The following BRMS1L variants were observed in gnomAD, a reference collection of about 807,000 sequenced individuals.
BRMS1L encodes the protein breast cancer metastasis-suppressor 1-like protein.
Under a neutral mutation model 50.3 loss-of-function variants are expected in BRMS1L, and 23 were observed. The ratio of observed to expected loss-of-function variants is 0.46; its 90% CI spans 0.33 to 0.65. BRMS1L has a LOEUF of 0.65. Among genes scored for constraint, BRMS1L ranks in the 30% least tolerant of loss-of-function variants. The pLI is 0.02. For synonymous variants in BRMS1L, 114 were observed against 126.9 expected, an observed-to-expected ratio of 0.90 and a Z score of 0.69; for missense variants, 286 against 386.1, an observed-to-expected ratio of 0.74 and a Z score of 2.17.
At chr14:35,832,478 C>G (rs2077934350) in intron 2 of BRMS1L, among the ~76,000 whole-genome samples, 1 of 149,244 alleles carries the variant, frequency 6.7e-6, no homozygotes, top group Non-Finnish European at 1.5e-5. Flanking sequence ...TGCACTCCAG[C>G]CTGGGTGACG....
chr14:35,849,679 A>T (rs533727980), intron 4 of BRMS1L, among the ~76,000 whole-genome samples: 3 of 152,292 alleles, frequency 2.0e-5, no homozygotes, highest in East Asian at 3.9e-4. Flanking sequence ...CATTTCCCTG[A>T]TGATTAATGA....
At chr14:35,841,048 G>C (rs1002559511) in intron 4 of BRMS1L, among the ~76,000 whole-genome samples, 2 of 152,078 alleles carry the variant, frequency 1.3e-5, no homozygotes, top group Non-Finnish European at 2.9e-5. Context: ...CTGGTATGTT[G>C]TGTCTTTGTT....
chr14:35,828,234 G>C (rs768701603), intron 1 of BRMS1L, among the ~76,000 whole-genome samples: 2 of 150,866 alleles, frequency 1.3e-5, no homozygotes, highest in Non-Finnish European at 3.0e-5. Flanking sequence ...GTGTAATGGC[G>C]TGATCTTGGC....
intron 4 of BRMS1L, among the ~76,000 whole-genome samples, chr14:35,859,777 G>A (rs980615185): frequency 8.6e-5 from 13 of 151,878 alleles, no homozygotes; most frequent in African/African-American, 3.1e-4. Flanking sequence ...AGTTGCCTGA[G>A]TAGCTGGGAC....
intron 4 of BRMS1L, among the ~76,000 whole-genome samples, chr14:35,835,361 T>C (rs924094686): frequency 6.6e-6 from 1 of 152,130 alleles, no homozygotes; most frequent in African/African-American, 2.4e-5. Flanking sequence ...AAAATAGGTA[T>C]ATTTTTCTGT....
At chr14:35,859,900 C>T (rs1367952553) in intron 4 of BRMS1L, among the ~76,000 whole-genome samples, 1 of 152,130 alleles carries the variant, frequency 6.6e-6, no homozygotes, top group Non-Finnish European at 1.5e-5. Context: ...GATCCTCCTG[C>T]CTCCGTATCC....
In BRMS1L at chr14:35,826,384, C is replaced by G; in HGVS notation, c.-133C>G. ...GCGGGTTAGGTTGTGAGGCCCGGGC[C>G]GGGGGCGGGGAGGAGCCAAGGGGGC... On this transcript the variant is annotated 5_prime_UTR_variant, in exon 1 of 10. Transcript: ENST00000216807. The G allele has an allele frequency of 7.4e-7, 1 of 1,359,548 alleles. No homozygotes were observed. 84.2% of individuals were successfully genotyped at this position (1,359,548 alleles called of 1,614,324 possible). A position where few individuals can be genotyped will look rare whatever the true frequency, so the allele number is the denominator to read the frequency against.
chr14:35,826,379 CGGGCCGG>C lies in BRMS1L; in HGVS notation c.-133_-127del. ...AGCCTGCGGGTTAGGTTGTGAGGCC[CGGGCCGG>C]GGGCGGGGAGGAGCCAAGGGGGCGA... is the stretch of plus-strand genomic sequence containing the variant. On this transcript the variant is annotated 5_prime_UTR_variant, in exon 1 of 10. Transcript: ENST00000216807. 3.8e-6 allele frequency: 5 copies of C among 1,328,366 alleles called. No individual in the cohort carries two copies. Among genetic ancestry groups the C allele is most frequent in the Non-Finnish European group, 5.1e-6 (5 of 971,904 alleles). The allele number at this position is 1,328,366 out of a possible 1,614,324, so 82.3% of individuals were successfully genotyped here. A position where few individuals can be genotyped will look rare whatever the true frequency, so the allele number is the denominator to read the frequency against.
At chr14:35,852,925 C>T (rs528160724) in intron 4 of BRMS1L, among the ~76,000 whole-genome samples, 48 of 150,970 alleles carry the variant, frequency 3.2e-4, no homozygotes, top group African/African-American at 9.0e-4. Context: ...AGCGAGGCTC[C>T]GTCTCAAAAA....
At chr14:35,858,037 A>T in intron 4 of BRMS1L, among the ~76,000 whole-genome samples, 2 of 150,334 alleles carry the variant, frequency 1.3e-5, no homozygotes, top group Non-Finnish European at 3.0e-5. Flanking sequence ...AAAGCACTGG[A>T]CCTCTCATAA....
At chr14:35,836,065 T>G (rs1254962816) in intron 4 of BRMS1L, among the ~76,000 whole-genome samples, 1 of 152,184 alleles carries the variant, frequency 6.6e-6, no homozygotes, top group Non-Finnish European at 1.5e-5. Context: ...ACAACTGAGA[T>G]TGATTATCTT....
At chr14:35,833,229 T>C in intron 3 of BRMS1L, 124 bp downstream of exon 3, 3 of 1,027,214 alleles carry the variant, frequency 2.9e-6, no homozygotes, top group Non-Finnish European at 4.0e-6. Context: ...GACCAGAATA[T>C]TTTACTTTTA....
intron 4 of BRMS1L, among the ~76,000 whole-genome samples, chr14:35,841,998 C>CTTTTTTTTTTT (rs574267347): frequency 5.3e-5 from 6 of 112,236 alleles, no homozygotes; most frequent in African/African-American, 1.4e-4. Context: ...GCAATCTCTG[C>CTTTTTTTTTTT]TTTTTTTTTT....
chr14:35,839,854 C>A (rs748386256), intron 4 of BRMS1L, among the ~76,000 whole-genome samples: 3 of 152,112 alleles, frequency 2.0e-5, no homozygotes, highest in Non-Finnish European at 2.9e-5. Context: ...ATTTGAATAC[C>A]CTTTATTTCT....
At chr14:35,836,880 T>C (rs2078001310) in intron 4 of BRMS1L, among the ~76,000 whole-genome samples, 1 of 152,034 alleles carries the variant, frequency 6.6e-6, no homozygotes, top group Non-Finnish European at 1.5e-5. Context: ...GAGCATGGAA[T>C]GTTTTTCCAT....
At chr14:35,829,785 T>G in intron 1 of BRMS1L, 2 of 1,177,106 alleles carry the variant, frequency 1.7e-6, no homozygotes, top group Non-Finnish European at 2.2e-6. Context: ...GATTTAACTC[T>G]TTCTCATAGT....
chr14:35,863,309 C>A (rs1011519423), intron 5 of BRMS1L, among the ~76,000 whole-genome samples: 8 of 152,104 alleles, frequency 5.3e-5, no homozygotes, highest in Non-Finnish European at 1.2e-4. Context: ...GTGAAATTGG[C>A]TTTTTCAGGG....
At chr14:35,862,742 G>T in intron 5 of BRMS1L, 56 bp downstream of exon 5, 1 of 1,208,354 alleles carries the variant, frequency 8.3e-7, no homozygotes, top group East Asian at 2.4e-5. Context: ...TTGGTTTACT[G>T]TAGTGTCATA....
intron 4 of BRMS1L, among the ~76,000 whole-genome samples, chr14:35,843,492 C>T (rs532627901): frequency 6.6e-6 from 1 of 152,320 alleles, no homozygotes; most frequent in South Asian, 2.1e-4. Context: ...ACCCTGTTTG[C>T]CTGGTTATCA....
Sources: allele counts gnomAD v4.1 joint callset (sites outside exome capture counted in the v4.1 genomes callset), GRCh38; gene constraint gnomAD v4.1.1; transcripts MANE v1.5; gene names NCBI Gene and HGNC (gene_info 2026-07-23, HGNC 2026-07-21).